Variants in ZNRF3 observed in about 807,000 individuals in gnomAD.
The protein encoded by ZNRF3 is zinc and ring finger 3.
ZNRF3 carries 23 observed loss-of-function variants against 72.5 expected under a neutral mutation model. That is an observed-to-expected ratio of 0.32 (90% CI 0.23 to 0.45). ZNRF3 has a LOEUF of 0.45. Ranked by LOEUF, ZNRF3 falls within the 20% of genes least tolerant of loss-of-function variation. The pLI, the probability that ZNRF3 is intolerant of heterozygous loss-of-function variation, is 1.00. For synonymous variants in ZNRF3, 610 were observed against 545.3 expected (o/e 1.12, Z -1.65); for missense variants, 1,169 against 1,272.1 (o/e 0.92, Z 1.23).
At chr22:28,951,645 G>A (rs1328936248) in intron 1 of ZNRF3, among the ~76,000 whole-genome samples, 1 of 152,130 alleles carries the variant, frequency 6.6e-6, no homozygotes, top group East Asian at 1.9e-4. Context: ...GGCAGCCCTG[G>A]GAAATGAATA....
At chr22:28,987,525 A>T (rs1485418291) in intron 2 of ZNRF3, among the ~76,000 whole-genome samples, 1 of 152,196 alleles carries the variant, frequency 6.6e-6, no homozygotes, top group East Asian at 1.9e-4. Flanking sequence ...ACAATACTTT[A>T]TCTTACACCC....
At chr22:28,886,473 GAA>G (rs2033789938) in intron 1 of ZNRF3, among the ~76,000 whole-genome samples, 1 of 152,002 alleles carries the variant, frequency 6.6e-6, no homozygotes, top group Non-Finnish European at 1.5e-5. Context: ...TTACTATCTT[GAA>G]AAACCTTTAT....
At chr22:29,035,349 C>T (rs763298484) in intron 2 of ZNRF3, among the ~76,000 whole-genome samples, 1 of 152,200 alleles carries the variant, frequency 6.6e-6, no homozygotes, top group Admixed American at 6.5e-5. Context: ...ATGAATACAG[C>T]ACTGTTTATA....
At chr22:28,952,602 C>T (rs1275506377) in intron 1 of ZNRF3, among the ~76,000 whole-genome samples, 4 of 150,892 alleles carry the variant, frequency 2.7e-5, no homozygotes, top group Non-Finnish European at 5.9e-5. Context: ...GGTATTGCAT[C>T]GTTATTTTCT....
intron 1 of ZNRF3, among the ~76,000 whole-genome samples, chr22:28,961,083 A>G (rs1253115542): frequency 6.6e-6 from 1 of 152,228 alleles, no homozygotes; most frequent in African/African-American, 2.4e-5. Context: ...AGGAGGCTGG[A>G]AAGTCCAAGA....
intron 1 of ZNRF3, among the ~76,000 whole-genome samples, chr22:28,910,625 G>A (rs544064426): frequency 3.9e-5 from 6 of 152,300 alleles, no homozygotes; most frequent in Admixed American, 2.6e-4. Context: ...CAGAATCACC[G>A]AGTGAATGCT....
intron 1 of ZNRF3, among the ~76,000 whole-genome samples, chr22:28,966,867 CTTTTTT>C (rs530036984): frequency 4.9e-5 from 5 of 102,460 alleles, no homozygotes; most frequent in African/African-American, 2.0e-4. Context: ...TTTTAAAAAT[CTTTTTT>C]TTTTTTTTTT....
At chr22:29,036,080 G>A (rs1461463067) in intron 2 of ZNRF3, among the ~76,000 whole-genome samples, 1 of 152,136 alleles carries the variant, frequency 6.6e-6, no homozygotes, top group African/African-American at 2.4e-5. Context: ...AAAAAACAAT[G>A]GAGGCTATAA....
chr22:29,051,984 C>T (rs1352388170), intron 8 of ZNRF3, among the ~76,000 whole-genome samples: 2 of 151,962 alleles, frequency 1.3e-5, no homozygotes. Flanking sequence ...ACCCCAGTTG[C>T]TTGTTTTTGC....
chr22:28,963,344 G>C (rs913292401), intron 1 of ZNRF3, among the ~76,000 whole-genome samples: 5 of 152,140 alleles, frequency 3.3e-5, no homozygotes, highest in African/African-American at 9.7e-5. Context: ...TGCATCCCCT[G>C]CTTCTCTGTA....
At chr22:29,006,195 G>A (rs974614352) in intron 2 of ZNRF3, among the ~76,000 whole-genome samples, 3 of 146,896 alleles carry the variant, frequency 2.0e-5, no homozygotes, top group African/African-American at 7.5e-5. Context: ...CAGTGATCAA[G>A]GTTCTTATCA....
At chr22:28,998,385 A>C (rs1306659688) in intron 2 of ZNRF3, among the ~76,000 whole-genome samples, 1 of 152,204 alleles carries the variant, frequency 6.6e-6, no homozygotes, top group Non-Finnish European at 1.5e-5. Flanking sequence ...TACCAAGCAG[A>C]TGGAAGTCCC....
Position 29,019,263 on chromosome 22 carries a change from C to T in ZNRF3, c.427-23232C>T, listed in dbSNP as rs575537426. 1.1e-3 allele frequency among the ~76,000 whole-genome samples: 167 copies of T among 152,164 alleles called. 3 individuals are homozygous for T. In the South Asian group the frequency reaches 0.021, roughly 19 times the overall value. On this transcript the variant is annotated intron_variant, in intron 2 of 8. Transcript: ENST00000544604. ...AATTCAAGGGGTGGAAAAATAAGCT[C>T]AATTTCTTGATGGGAGGAATCATAA...
intron 1 of ZNRF3, among the ~76,000 whole-genome samples, chr22:28,889,295 G>C (rs977737200): frequency 1.3e-5 from 2 of 152,182 alleles, no homozygotes; most frequent in African/African-American, 2.4e-5. Context: ...TCCTGCAAGT[G>C]TATGCGTATT....
intron 1 of ZNRF3, among the ~76,000 whole-genome samples, chr22:28,966,810 A>G (rs2035471360): frequency 6.6e-6 from 1 of 151,832 alleles, no homozygotes; most frequent in Non-Finnish European, 1.5e-5. Flanking sequence ...TGAAGAAAGG[A>G]AAGTATTTTT....
At chr22:28,986,324 A>G (rs1485649728) in intron 1 of ZNRF3, among the ~76,000 whole-genome samples, 1 of 152,130 alleles carries the variant, frequency 6.6e-6, no homozygotes. Context: ...CAGCTTCTTG[A>G]TAAGTTATGT....
intron 2 of ZNRF3, among the ~76,000 whole-genome samples, chr22:29,032,117 C>G (rs762389162): frequency 6.6e-6 from 1 of 152,216 alleles, no homozygotes; most frequent in Non-Finnish European, 1.5e-5. Flanking sequence ...GGCCATATTT[C>G]TCCGCAGGTT....
chr22:28,941,777 G>A (rs2123787786), intron 1 of ZNRF3, among the ~76,000 whole-genome samples: 2 of 152,200 alleles, frequency 1.3e-5, no homozygotes, highest in Middle Eastern at 6.8e-3. Flanking sequence ...TGGGCGTGGT[G>A]GCGCATGCCT....
Position 28,987,056 on chromosome 22 carries a change from C to T in ZNRF3, c.301-20C>T, listed in dbSNP as rs938623842. ...TGTGTAGCTTGCCTGCTGAAGTTTT[C>T]TTTCCATTTTATTTCCTAGATGCAC... On this transcript the variant is annotated intron_variant, in intron 1 of 8. Coordinates refer to ENST00000544604, the MANE Select transcript of ZNRF3 (RefSeq NM_001206998.2). The T allele has an allele frequency of 3.8e-6, 6 of 1,599,646 alleles. No homozygotes were observed. Among genetic ancestry groups the T allele is most frequent in the Non-Finnish European group, 5.1e-6 (6 of 1,173,786 alleles).
Sources: allele counts gnomAD v4.1 joint callset (sites outside exome capture counted in the v4.1 genomes callset), GRCh38; gene constraint gnomAD v4.1.1; transcripts MANE v1.5; gene names NCBI Gene and HGNC (gene_info 2026-07-23, HGNC 2026-07-21).